CTNNA3: variants seen among roughly 807,000 people sequenced by gnomAD.
The protein encoded by CTNNA3 is catenin alpha-3.
In CTNNA3, 76 loss-of-function variants were observed where a neutral mutation model predicts 95.7. The observed-to-expected ratio is 0.79, with a 90% confidence interval of 0.66 to 0.96. CTNNA3 has a LOEUF of 0.96. Among genes scored for constraint, CTNNA3 ranks in the 40% least tolerant of loss-of-function variants. The pLI, the probability that CTNNA3 is intolerant of heterozygous loss-of-function variation, is 0.00. For missense variants in CTNNA3, 1,191 were observed against 1,089.8 expected (o/e 1.09, Z -1.31); for synonymous variants, 431 against 374.4 (o/e 1.15, Z -1.74).
chr10:67,307,370 A>G (rs1269547865), intron 5 of CTNNA3, among the ~76,000 whole-genome samples: 1 of 152,232 alleles, frequency 6.6e-6, no homozygotes, highest in Non-Finnish European at 1.5e-5. Context: ...ATTAAAAGTC[A>G]TAGCATATCG....
chr10:67,483,045 T>C (rs1197937756), intron 5 of CTNNA3, among the ~76,000 whole-genome samples: 3 of 151,918 alleles, frequency 2.0e-5, no homozygotes, highest in Admixed American at 6.6e-5. Context: ...ATCAGAGAAA[T>C]GCAAATCAAA....
At chr10:66,154,719 C>CATATAGATATATATAT (rs1554870348) in intron 13 of CTNNA3, among the ~76,000 whole-genome samples, 1 of 74,812 alleles carries the variant, frequency 1.3e-5, no homozygotes, top group African/African-American at 5.5e-5. Flanking sequence ...TGAAAAAGTT[C>CATATAGATATATATAT]ATATATATAT....
intron 12 of CTNNA3, among the ~76,000 whole-genome samples, chr10:66,324,867 A>C (rs1470910593): frequency 7.7e-6 from 1 of 130,356 alleles, no homozygotes; most frequent in Non-Finnish European, 1.7e-5. Context: ...AAATGAAGAT[A>C]CCCTGTCATA....
At chr10:66,330,447 A>T (rs1762513834) in intron 12 of CTNNA3, among the ~76,000 whole-genome samples, 1 of 149,214 alleles carries the variant, frequency 6.7e-6, no homozygotes, top group Non-Finnish European at 1.5e-5. Context: ...TATGTGCCAC[A>T]TTTATCTTAA....
intron 1 of CTNNA3, among the ~76,000 whole-genome samples, chr10:67,727,800 CAT>C (rs1416060278): frequency 1.2e-4 from 13 of 106,286 alleles, no homozygotes; most frequent in African/African-American, 5.4e-4. Context: ...CATATATACA[CAT>C]ATGTATTATA....
At chr10:66,465,116 AT>A (rs1227303396) in intron 11 of CTNNA3, among the ~76,000 whole-genome samples, 2 of 152,136 alleles carry the variant, frequency 1.3e-5, no homozygotes, top group African/African-American at 4.8e-5. Context: ...CCACAAATAA[AT>A]TGCCTGTTAG....
At chr10:66,901,916 C>T (rs1386526514) in intron 7 of CTNNA3, among the ~76,000 whole-genome samples, 1 of 152,148 alleles carries the variant, frequency 6.6e-6, no homozygotes, top group African/African-American at 2.4e-5. Flanking sequence ...TAGACTCCCA[C>T]ACAATAATAA....
chr10:66,692,860 C>T (rs922562173), intron 9 of CTNNA3, among the ~76,000 whole-genome samples: 11 of 152,052 alleles, frequency 7.2e-5, no homozygotes, highest in African/African-American at 1.2e-4. Context: ...TCCAGCCAAA[C>T]TAAGCTTCAT....
At chr10:67,736,162 A>C (rs190167772) in intron 1 of CTNNA3, among the ~76,000 whole-genome samples, 10 of 152,368 alleles carry the variant, frequency 6.6e-5, no homozygotes, top group Admixed American at 4.6e-4. Context: ...AACCTTGATA[A>C]CATTATGCTA....
chr10:65,990,628 A>G (rs575227770), intron 15 of CTNNA3, among the ~76,000 whole-genome samples: 6 of 151,216 alleles, frequency 4.0e-5, no homozygotes, highest in Non-Finnish European at 7.4e-5. Context: ...TCTGAACTTT[A>G]GGCCCTTATT....
intron 1 of CTNNA3, among the ~76,000 whole-genome samples, chr10:67,675,657 T>C (rs1840521626): frequency 2.0e-5 from 3 of 152,114 alleles, no homozygotes; most frequent in South Asian, 2.1e-4. Context: ...TATGGCCAAG[T>C]CTAACATTAA....
intron 7 of CTNNA3, among the ~76,000 whole-genome samples, chr10:66,904,849 A>G (rs1343503936): frequency 6.6e-6 from 1 of 152,206 alleles, no homozygotes; most frequent in African/African-American, 2.4e-5. Context: ...TAGAATGGTG[A>G]TCATTAAAAA....
At chr10:66,272,655 C>T (rs2091307390) in intron 13 of CTNNA3, among the ~76,000 whole-genome samples, 1 of 120,024 alleles carries the variant, frequency 8.3e-6, no homozygotes, top group African/African-American at 3.6e-5. Flanking sequence ...ACTTAAAAGG[C>T]AGTATAATCC....
intron 7 of CTNNA3, among the ~76,000 whole-genome samples, chr10:66,799,921 A>C (rs903240741): frequency 4.0e-5 from 6 of 151,432 alleles, no homozygotes; most frequent in African/African-American, 1.4e-4. Flanking sequence ...AACACCTTTA[A>C]AGTACTTAAA....
At chr10:66,361,316 C>G (rs2092672791) in intron 12 of CTNNA3, among the ~76,000 whole-genome samples, 1 of 140,032 alleles carries the variant, frequency 7.1e-6, no homozygotes, top group Non-Finnish European at 1.6e-5. Context: ...CCCTCCCCGC[C>G]CCTCCCCTTC....
At chr10:67,486,356 C>T (rs1589346205) in intron 5 of CTNNA3, among the ~76,000 whole-genome samples, 1 of 144,088 alleles carries the variant, frequency 6.9e-6, no homozygotes, top group Non-Finnish European at 1.5e-5. Flanking sequence ...ACCCTCCACC[C>T]TTCACCTAGT....
chr10:66,630,387 G>A lies in CTNNA3; in HGVS notation c.1282-8603C>T, dbSNP rs191774538. On this transcript the variant is annotated intron_variant, in intron 9 of 17. Coordinates refer to ENST00000433211, the MANE Select transcript of CTNNA3 (RefSeq NM_013266.4). ...AAGTACTTGTTTTTCTTCTAGTCTG[G>A]CCATCATCCTTAACAAGGCTTGGGG... Among the ~76,000 whole-genome samples the A allele has an allele frequency of 9.2e-5, 14 of 152,198 alleles. No individual in the cohort carries two copies. The East Asian group carries it at 2.7e-3, about 29-fold the overall frequency.
rs1340615188 is a variant in CTNNA3 at position 66,412,595 on chromosome 10, G to A, written c.1532-33243C>T. 4.6e-5 allele frequency among the ~76,000 whole-genome samples: 7 copies of A among 151,564 alleles called. No homozygotes were observed. In the South Asian group the frequency reaches 1.5e-3, roughly 32 times the overall value. Reference sequence around the variant, plus strand: ...CCTTCTCAGCCTCCCAAGTAGCTGGGACTACAGGCGTCCACCACCATGCCC... The same window carrying A: ...CCTTCTCAGCCTCCCAAGTAGCTGGAACTACAGGCGTCCACCACCATGCCC... On this transcript the variant is annotated intron_variant, in intron 11 of 17. Transcript: ENST00000433211.
chr10:66,653,744 T>C (rs1198412922), intron 9 of CTNNA3, among the ~76,000 whole-genome samples: 2 of 152,008 alleles, frequency 1.3e-5, no homozygotes, highest in Non-Finnish European at 2.9e-5. Flanking sequence ...GGTACTGGCA[T>C]AAAAACGTAC....
Sources: gnomAD v4.1 joint callset for allele counts (sites outside exome capture counted in the v4.1 genomes callset) on GRCh38, gnomAD v4.1.1 for gene constraint, MANE v1.5 for transcripts, NCBI Gene and HGNC (gene_info 2026-07-23, HGNC 2026-07-21) for gene names.